The following KCNT1 variants were observed in gnomAD, a reference collection of about 807,000 sequenced individuals.
The protein encoded by KCNT1 is potassium sodium-activated channel subfamily T member 1.
A neutral mutation model predicts 147.8 loss-of-function variants in KCNT1; 78 were observed. The observed-to-expected ratio is 0.53, with a 90% confidence interval of 0.44 to 0.64. The LOEUF (loss-of-function observed/expected upper bound fraction) is 0.64, where lower values mean the gene tolerates loss of function less well. Among genes scored for constraint, KCNT1 ranks in the 30% least tolerant of loss-of-function variants. KCNT1 has a pLI of 0.00. For synonymous variants in KCNT1, 867 were observed against 748.8 expected (o/e 1.16, Z -2.58); for missense variants, 1,419 against 1,750.3 (o/e 0.81, Z 3.38).
chr9:135,770,455 C>T lies in KCNT1; in HGVS notation c.1769+8C>T, dbSNP rs371287985. ...CTTCCACGCCCACAAGAAGTAAGGC[C>T]GGGCTGCATCCACAGGGCTGGCGCT... On this transcript the variant is annotated splice_region_variant and intron_variant, in intron 17 of 30. Coordinates refer to ENST00000371757, the MANE Select transcript of KCNT1 (RefSeq NM_020822.3). 9.5e-5 allele frequency: 152 copies of T among 1,606,466 alleles called. No individual in the cohort carries two copies. The highest frequency in any genetic ancestry group is 1.1e-4 in the Non-Finnish European group (133 of 1,176,548).
At chr9:135,713,609 G>A (rs567790988) in intron 1 of KCNT1, among the ~76,000 whole-genome samples, 22 of 152,298 alleles carry the variant, frequency 1.4e-4, no homozygotes, top group Non-Finnish European at 2.1e-4. Flanking sequence ...GCTGGGTATG[G>A]TCAGAGCCTC....
At chr9:135,778,851 A>T (rs1372672003) in intron 23 of KCNT1, 29 bp downstream of exon 23, 1 of 1,604,476 alleles carries the variant, frequency 6.2e-7, no homozygotes. Flanking sequence ...GCTCGGCTCT[A>T]AACCACCCCA....
At chr9:135,706,815 TG>T (rs1835276108) in intron 1 of KCNT1, among the ~76,000 whole-genome samples, 1 of 152,092 alleles carries the variant, frequency 6.6e-6, no homozygotes, top group South Asian at 2.1e-4. Context: ...GGGAGGGGGC[TG>T]GGGCAGGTAT....
intron 2 of KCNT1, among the ~76,000 whole-genome samples, chr9:135,721,688 T>C (rs1211151638): frequency 6.6e-6 from 1 of 152,270 alleles, no homozygotes; most frequent in Admixed American, 6.5e-5. Flanking sequence ...CCAAAAGTTC[T>C]GGCAGGTTCC....
chr9:135,777,829 T>C (rs1446333396), intron 21 of KCNT1, among the ~76,000 whole-genome samples: 13 of 144,206 alleles, frequency 9.0e-5, no homozygotes, highest in African/African-American at 2.6e-4. Flanking sequence ...TGCTTCCAGC[T>C]CCCCCAGTTC....
chr9:135,750,988 C>T lies in KCNT1; in HGVS notation c.381C>T (p.Cys127=). The change falls in exon 4 of 31, where the codon TGC becomes TGT. Residue 127 remains cysteine (C), a synonymous_variant. Transcript: ENST00000371757. ...LFNFSLKLLT[C]LLYIVRVLLD... The stretch of plus-strand genomic sequence containing the variant: ...ACTTCTCCCTGAAGCTGCTCACCTG[C>T]CTGCTCTACATTGTGCGCGTCCTGC... 6.2e-7 allele frequency: 1 copy of T among 1,613,272 alleles called. No individual in the cohort carries two copies. The highest frequency in any genetic ancestry group is 8.5e-7 in the Non-Finnish European group (1 of 1,179,864).
Position 135,710,784 on chromosome 9 carries a change from A to G in KCNT1, c.111-3793A>G, listed in dbSNP as rs138730964. Among the ~76,000 whole-genome samples, 449 of 152,278 alleles carry G rather than the reference A, an allele frequency of 2.9e-3. 4 individuals carry two copies. The highest frequency in any genetic ancestry group is 0.017 in the Middle Eastern group (5 of 294). ...ATTAATTTTTGAAACAGTTCATCAA[A>G]TTCTGAGAAAATAGTGATGCGCTCT... On this transcript the variant is annotated intron_variant, in intron 1 of 30. Transcript: ENST00000371757.
chr9:135,743,657 G>A (rs1166843777), intron 2 of KCNT1, among the ~76,000 whole-genome samples: 1 of 152,232 alleles, frequency 6.6e-6, no homozygotes, highest in East Asian at 1.9e-4. Context: ...CTCCCGAGGA[G>A]TCGGGTCTCA....
At chr9:135,721,343 T>A (rs956795616) in intron 2 of KCNT1, among the ~76,000 whole-genome samples, 2 of 152,194 alleles carry the variant, frequency 1.3e-5, no homozygotes, top group African/African-American at 4.8e-5. Flanking sequence ...CCCGGGGCCA[T>A]CCTGCTGTGT....
intron 4 of KCNT1, among the ~76,000 whole-genome samples, chr9:135,753,016 GGATGGATGGATGGACAGATGAGTA>G: frequency 6.7e-6 from 1 of 149,876 alleles, no homozygotes; most frequent in Non-Finnish European, 1.5e-5. Context: ...ATGGATGGAG[GGATGGATGGATGGACAGATGAGTA>G]GATAGATGGA....
At chr9:135,724,805 C>G (rs1035158710) in intron 2 of KCNT1, among the ~76,000 whole-genome samples, 16 of 152,222 alleles carry the variant, frequency 1.1e-4, no homozygotes, top group African/African-American at 3.9e-4. Flanking sequence ...ACATGAAGGC[C>G]CCGGCCACCC....
chr9:135,713,139 T>C (rs1019780748), intron 1 of KCNT1, among the ~76,000 whole-genome samples: 3 of 152,168 alleles, frequency 2.0e-5, no homozygotes, highest in Non-Finnish European at 2.9e-5. Flanking sequence ...CGGCAGTCTC[T>C]TGGGGTTTTG....
chr9:135,772,595 G>A (rs940794820), intron 18 of KCNT1, 120 bp from the exon 19 acceptor site: 1 of 626,618 alleles, frequency 1.6e-6, no homozygotes, highest in Non-Finnish European at 2.5e-6. Flanking sequence ...CTCAGCTGGA[G>A]CACAGGAGCC....
At chr9:135,759,557 C>T (rs1831764467) in intron 10 of KCNT1, 122 bp from the exon 11 acceptor site, 1 of 1,055,888 alleles carries the variant, frequency 9.5e-7, no homozygotes, top group Non-Finnish European at 1.3e-6. Flanking sequence ...GCGGGGCTCG[C>T]CTGGTGATGC....
Position 135,708,297 on chromosome 9 carries a change from A to G in KCNT1, c.110+5929A>G, listed in dbSNP as rs535988550. ...GTATGCATACATGCACATTGTACAT[A>G]CATGCATGCAATCCCATCCACACAT... On this transcript the variant is annotated intron_variant, in intron 1 of 30. Transcript: ENST00000371757. Among the ~76,000 whole-genome samples the G allele has an allele frequency of 7.9e-5, 12 of 152,358 alleles. No homozygotes were observed. The South Asian group carries it at 2.1e-3, about 26-fold the overall frequency.
At chr9:135,742,632 G>T (rs1339590486) in intron 2 of KCNT1, 2 of 664,932 alleles carry the variant, frequency 3.0e-6, no homozygotes, top group Non-Finnish European at 2.8e-6. Flanking sequence ...CTGCGTGTCT[G>T]TGCCCCGCCT....
Position 135,752,481 on chromosome 9 carries a change from G to A in KCNT1, c.434+1440G>A. The A allele has an allele frequency of 2.2e-6, 1 of 455,312 alleles. No homozygotes were observed. The highest frequency in any genetic ancestry group is 4.4e-6 in the Non-Finnish European group (1 of 226,516). 28.2% of individuals were successfully genotyped at this position (455,312 alleles called of 1,614,324 possible). ...AGGTCACTCCCCACCCCAAGTCCCA[G>A]GGTCCCCTGGGGCTTCTGGTTTCAC... On this transcript the variant is annotated intron_variant, in intron 4 of 30. Transcript: ENST00000371757. This position sits in a 1 kb window ranked among gnomAD's most constrained non-coding sequence, Gnocchi z 5.1.
chr9:135,790,344 G>C (rs978826097), intron 29 of KCNT1: 32 of 152,364 alleles, frequency 2.1e-4, no homozygotes, highest in African/African-American at 6.7e-4. Context: ...GAGGCCCCTG[G>C]GCCTCCTCCA....
chr9:135,750,651 G>A (rs1412793112), intron 3 of KCNT1: 5 of 535,518 alleles, frequency 9.3e-6, no homozygotes. Context: ...TCACCTGCCT[G>A]CTCCCCAATC....
Sources: gnomAD v4.1 joint callset for allele counts (sites outside exome capture counted in the v4.1 genomes callset) on GRCh38, gnomAD v4.1.1 for gene constraint, Gnocchi (gnomAD v3.1) non-coding constraint, MANE v1.5 for transcripts, NCBI Gene and HGNC (gene_info 2026-07-23, HGNC 2026-07-21) for gene names.